The following ZNF618 variants were observed in gnomAD, a reference collection of about 807,000 sequenced individuals.
ZNF618 encodes neural precursor cell expressed, developmentally down-regulated 10.
ZNF618 carries 34 observed loss-of-function variants against 103.0 expected under a neutral mutation model. The observed-to-expected ratio is 0.33, with a 90% confidence interval of 0.25 to 0.44. The LOEUF (loss-of-function observed/expected upper bound fraction) is 0.44. ZNF618 is among the 20% of genes least tolerant of loss of function. The pLI, the probability that ZNF618 is intolerant of heterozygous loss-of-function variation, is 1.00. For missense variants in ZNF618, 1,059 were observed against 1,295.4 expected, an observed-to-expected ratio of 0.82 and a Z score of 2.80; for synonymous variants, 551 against 542.2, an observed-to-expected ratio of 1.02 and a Z score of -0.23.
At chr9:113,969,418 A>C (rs1321828386) in intron 2 of ZNF618, among the ~76,000 whole-genome samples, 1 of 152,226 alleles carries the variant, frequency 6.6e-6, no homozygotes, top group Admixed American at 6.5e-5. Context: ...AGAACTTAGG[A>C]GTGAAGCATA....
chr9:113,975,682 AAAAT>A (rs1838401574), intron 2 of ZNF618, among the ~76,000 whole-genome samples: 1 of 152,182 alleles, frequency 6.6e-6, no homozygotes, highest in South Asian at 2.1e-4. Context: ...AAAACTGAAA[AAAAT>A]AAATTAAAAA....
rs138070046 is a variant in ZNF618, at chr9:114,003,081, G to A, written c.550+419G>A. 2.0e-4 allele frequency among the ~76,000 whole-genome samples: 31 copies of A among 152,328 alleles called. No individual in the cohort carries two copies. In the East Asian group the frequency reaches 4.0e-3, roughly 20 times the overall value. On this transcript the variant is annotated intron_variant, in intron 6 of 14. Coordinates refer to ENST00000374126, the MANE Select transcript of ZNF618 (RefSeq NM_001318042.2). ...CTCTGACTCATGACTCTGGGGCTCC[G>A]TAGTTGACTTTTGGGAAATGCTGCT...
chr9:114,046,544 A>T (rs1406877247), intron 13 of ZNF618, among the ~76,000 whole-genome samples: 1 of 152,216 alleles, frequency 6.6e-6, no homozygotes, highest in East Asian at 1.9e-4. Flanking sequence ...TTCTCAGAAT[A>T]TATGTCCAAC....
intron 10 of ZNF618, 49 bp downstream of exon 10, chr9:114,016,833 G>C: frequency 6.7e-7 from 1 of 1,502,018 alleles, no homozygotes; most frequent in Middle Eastern, 1.7e-4. Context: ...CCCGGGACAG[G>C]GTGGGCCAGC....
At chr9:113,903,894 G>A (rs1476290595) in intron 1 of ZNF618, among the ~76,000 whole-genome samples, 1 of 151,634 alleles carries the variant, frequency 6.6e-6, no homozygotes, top group Non-Finnish European at 1.5e-5. Flanking sequence ...TTTGATTAAT[G>A]ATGTGTCTGT....
intron 1 of ZNF618, among the ~76,000 whole-genome samples, chr9:113,887,703 C>T (rs1275808455): frequency 6.6e-6 from 1 of 152,158 alleles, no homozygotes; most frequent in Non-Finnish European, 1.5e-5. Context: ...GACTTCCAGC[C>T]TGGATCAGAG....
chr9:113,924,337 T>G (rs1832886692), intron 1 of ZNF618, among the ~76,000 whole-genome samples: 1 of 151,960 alleles, frequency 6.6e-6, no homozygotes, highest in Non-Finnish European at 1.5e-5. Flanking sequence ...TTGATCATCC[T>G]TTTAATGTCC....
Position 114,049,554 on chromosome 9 carries a change from A to T in ZNF618, c.2252A>T (p.Asn751Ile), listed in dbSNP as rs372134509. ...AAGCAGGCAGTCATCGAGCTGAGCA[A>T]CGAGAGCCAGCCCACCCTGCAGCTG... Reference protein sequence around the residue: ...PVKQAVIELSNESQPTLQLVL... With the variant: ...PVKQAVIELSIESQPTLQLVL... Residue 751 changes from asparagine to isoleucine, a missense_variant, in exon 15 of 15, where the codon AAC becomes ATC. Around this residue, in one of 6 missense-constraint regions of ZNF618, gnomAD observed 272 missense variants for 380.1 expected, o/e 0.72. Coordinates refer to ENST00000374126, the MANE Select transcript of ZNF618 (RefSeq NM_001318042.2). The T allele has an allele frequency of 1.2e-6, 2 of 1,613,730 alleles. No homozygotes were observed. The highest frequency in any genetic ancestry group is 2.2e-5 in the East Asian group (1 of 44,896).
At chr9:113,885,518 G>A (rs1249688766) in intron 1 of ZNF618, among the ~76,000 whole-genome samples, 1 of 152,082 alleles carries the variant, frequency 6.6e-6, no homozygotes, top group Non-Finnish European at 1.5e-5. Context: ...TTATCTTTTT[G>A]CCAGCCCAGG....
intron 2 of ZNF618, among the ~76,000 whole-genome samples, chr9:113,983,051 A>C (rs1011987072): frequency 1.3e-5 from 2 of 152,362 alleles, no homozygotes; most frequent in Middle Eastern, 3.4e-3. Flanking sequence ...GTAGTTATCT[A>C]TATATAAATC....
intron 1 of ZNF618, among the ~76,000 whole-genome samples, chr9:113,933,034 T>C (rs1833737805): frequency 1.3e-5 from 2 of 152,120 alleles, no homozygotes; most frequent in African/African-American, 4.8e-5. Flanking sequence ...GGTGGGAAGA[T>C]GCCAGAGGGG....
intron 1 of ZNF618, among the ~76,000 whole-genome samples, chr9:113,905,147 G>A (rs748488963): frequency 1.3e-5 from 2 of 151,958 alleles, no homozygotes; most frequent in African/African-American, 2.4e-5. Flanking sequence ...TTGGCTTACC[G>A]TAACCTCTGC....
At chr9:114,013,588 G>A (rs1409447481) in intron 9 of ZNF618, among the ~76,000 whole-genome samples, 5 of 152,040 alleles carry the variant, frequency 3.3e-5, no homozygotes, top group African/African-American at 9.7e-5. Context: ...CCGCCACCAC[G>A]CCTGGCTAAT....
chr9:113,899,002 C>T (rs1043372686), intron 1 of ZNF618, among the ~76,000 whole-genome samples: 13 of 152,126 alleles, frequency 8.5e-5, no homozygotes, highest in African/African-American at 3.1e-4. Flanking sequence ...CTCAGAGTCT[C>T]CAGGAGGGTG....
rs915964320 is a variant in ZNF618, at chr9:114,055,047, G to T, written c.*4880G>T. On this transcript the variant is annotated 3_prime_UTR_variant, in exon 15 of 15. Coordinates refer to ENST00000374126, the MANE Select transcript of ZNF618 (RefSeq NM_001318042.2). Reference sequence around the variant, plus strand: ...GGTGTTAGCATCACGACCCACGAGGGCCCTGCCCAACCGTGCGTCCCATGG... The same window carrying T: ...GGTGTTAGCATCACGACCCACGAGGTCCCTGCCCAACCGTGCGTCCCATGG... The T allele has an allele frequency of 2.0e-5, 3 of 151,690 alleles. No individual in the cohort carries two copies. The highest frequency in any genetic ancestry group is 6.6e-5 in the Admixed American group (1 of 15,192). 9.4% of individuals were successfully genotyped at this position (151,690 alleles called of 1,614,324 possible).
intron 3 of ZNF618, among the ~76,000 whole-genome samples, chr9:113,989,053 C>G (rs1226659276): frequency 6.6e-6 from 1 of 152,230 alleles, no homozygotes; most frequent in Non-Finnish European, 1.5e-5. Flanking sequence ...CCCAGAGGAG[C>G]TCTGTGGAAA....
chr9:113,980,678 G>A (rs927173225), intron 2 of ZNF618, among the ~76,000 whole-genome samples: 2 of 152,216 alleles, frequency 1.3e-5, no homozygotes, highest in Non-Finnish European at 1.5e-5. Flanking sequence ...ATATCAAGTT[G>A]TAAGAGCTGG....
chr9:114,051,294 G>A lies in ZNF618; in HGVS notation c.*1127G>A, dbSNP rs867683849. The stretch of plus-strand genomic sequence containing the variant: ...TGTACAGTTCAGTTTTCACATATTC[G>A]AACGGCCAAGACCAGGTTCTTGGCT... On this transcript the variant is annotated 3_prime_UTR_variant, in exon 15 of 15. Transcript: ENST00000374126. 2 of 152,310 alleles carry A rather than the reference G, an allele frequency of 1.3e-5. No homozygotes were observed. Among genetic ancestry groups the A allele is most frequent in the Non-Finnish European group, 2.9e-5 (2 of 68,034 alleles). 9.4% of individuals were successfully genotyped at this position (152,310 alleles called of 1,614,324 possible).
intron 2 of ZNF618, among the ~76,000 whole-genome samples, chr9:113,977,038 G>A (rs143735607): frequency 1.2e-4 from 19 of 152,308 alleles, no homozygotes; most frequent in African/African-American, 3.8e-4. Context: ...GGCAGCGTGC[G>A]TCCAGGCAGT....
Sources: allele counts gnomAD v4.1 joint callset (sites outside exome capture counted in the v4.1 genomes callset), GRCh38; gene constraint gnomAD v4.1.1; regional missense constraint gnomAD v4.1.1; transcripts MANE v1.5; gene names NCBI Gene and HGNC (gene_info 2026-07-23, HGNC 2026-07-21).